The following TJAP1 variants were observed in gnomAD, a reference collection of about 807,000 sequenced individuals.
The protein encoded by TJAP1 is tight junction associated protein 1, also known as tight junction-associated protein 1.
In TJAP1, 27 loss-of-function variants were observed where a neutral mutation model predicts 42.0. The observed-to-expected ratio is 0.64, with a 90% confidence interval of 0.47 to 0.89. TJAP1 has a LOEUF of 0.89. TJAP1 is among the 40% of genes least tolerant of loss of function. The pLI, the probability that TJAP1 is intolerant of heterozygous loss-of-function variation, is 0.00. For missense variants in TJAP1, 712 were observed against 726.9 expected, an observed-to-expected ratio of 0.98 and a Z score of 0.24; for synonymous variants, 257 against 288.4, an observed-to-expected ratio of 0.89 and a Z score of 1.10.
rs199978558 is a variant in TJAP1 at position 43,505,137 on chromosome 6, C to T, written c.956C>T (p.Pro319Leu). The change falls in exon 11 of 11, where the codon CCG (proline) becomes CTG (leucine). Residue 319 changes from proline to leucine, a missense_variant. This residue lies in a region of TJAP1 where 549 missense variants were observed against 528.2 expected (regional missense o/e 1.04). Transcript: ENST00000372449. The surrounding 1 kb of genome is among the most constrained non-coding windows in gnomAD (Gnocchi z 5.5). ...GAGAAGCTGAACCCCTACCCAACCC[C>T]GTCTCCACCACACCCACTGTATCCT... The T allele has an allele frequency of 4.2e-5, 67 of 1,614,096 alleles. 1 individual carries two copies. The highest frequency in any genetic ancestry group is 2.4e-4 in the African/African-American group (18 of 74,924).
At chr6:43,504,069 C>T (rs894789230) in intron 10 of TJAP1, 1 of 423,648 alleles carries the variant, frequency 2.4e-6, no homozygotes, top group African/African-American at 2.0e-5. Flanking sequence ...CAGCTTCAGG[C>T]CCAAGGTTTA....
In TJAP1 at chr6:43,505,615, C is replaced by G. The variant is rs1485858098; in HGVS notation, c.1434C>G (p.Gly478=). The G allele has an allele frequency of 1.2e-6, 2 of 1,613,492 alleles. No individual in the cohort carries two copies. Among genetic ancestry groups the G allele is most frequent in the African/African-American group, 1.3e-5 (1 of 75,064 alleles). ...TGCTACCCACAGAACCTGACTCTGG[C>G]TTTCCCAGGGAGGAAGAAGAGCTGA... The change falls in exon 11 of 11, where the codon GGC becomes GGG. Residue 478 remains glycine (G), a synonymous_variant. Coordinates refer to ENST00000372449, the Ensembl canonical transcript of TJAP1. The surrounding 1 kb of genome is among the most constrained non-coding windows in gnomAD (Gnocchi z 5.5).
chr6:43,505,028 C>T lies in TJAP1; in HGVS notation c.847C>T (p.Pro283Ser). ...AGCCAGTCCCCCGGCCCCTGGCAGC[C>T]CCACCCCACAACCCAATGGGGAGTG... Residue 283 changes from proline to serine, a missense_variant, in exon 11 of 11, where the codon CCC (proline) becomes TCC (serine). Physicochemically the swap from Pro to Ser is moderately conservative, Grantham distance 74. Around this residue, in one of 3 missense-constraint regions of TJAP1, gnomAD observed 549 missense variants for 528.2 expected, o/e 1.04. Transcript: ENST00000372449. This position sits in a 1 kb window ranked among gnomAD's most constrained non-coding sequence, Gnocchi z 5.5. 6.2e-7 allele frequency: 1 copy of T among 1,614,082 alleles called. No individual in the cohort carries two copies. The highest frequency in any genetic ancestry group is 1.1e-5 in the South Asian group (1 of 91,086).
In TJAP1 at chr6:43,505,932, A is replaced by T; in HGVS notation, c.*77A>T. The T allele has an allele frequency of 7.1e-7, 1 of 1,401,250 alleles. No individual in the cohort carries two copies. The highest frequency in any genetic ancestry group is 9.3e-7 in the Non-Finnish European group (1 of 1,076,264). The allele number at this position is 1,401,250 out of a possible 1,614,324, so 86.8% of individuals were successfully genotyped here. ...CACACCTTGGCAGCTCAGGGTCCCC[A>T]GTCCAAGCCCTTGACCTCTCCTCTA... On this transcript the variant is annotated 3_prime_UTR_variant, in exon 11 of 11. Coordinates refer to ENST00000372449, the Ensembl canonical transcript of TJAP1. This position sits in a 1 kb window ranked among gnomAD's most constrained non-coding sequence, Gnocchi z 5.5.
chr6:43,478,278 G>A (rs1784617377), intron 2 of TJAP1, 46 bp downstream of exon 2: 1 of 152,270 alleles, frequency 6.6e-6, no homozygotes, highest in Admixed American at 6.5e-5. Flanking sequence ...ATGCTCCCTG[G>A]GAGGAGGATG....
At chr6:43,484,038 G>C (rs78870226) in intron 2 of TJAP1, among the ~76,000 whole-genome samples, 3,963 of 151,438 alleles carry the variant, frequency 0.026, 162 homozygotes, top group African/African-American at 0.088. Context: ...TTGCACTCCA[G>C]AATGGGTGAC....
In TJAP1 at chr6:43,504,817, C is replaced by A; in HGVS notation, c.636C>A (p.Ala212=). 3 of 1,614,212 alleles carry A rather than the reference C, an allele frequency of 1.9e-6. No individual in the cohort carries two copies. The South Asian group carries it at 3.3e-5, about 18-fold the overall frequency. Reference sequence around the variant, plus strand: ...AACATTTGCACAGTGGTCAAGAGGCCGCCAGCCCAGGTCCTGCTCCCAGCC... The same window carrying A: ...AACATTTGCACAGTGGTCAAGAGGCAGCCAGCCCAGGTCCTGCTCCCAGCC... The change falls in exon 11 of 11, where the codon GCC becomes GCA. Residue 212 remains alanine, a synonymous_variant. Transcript: ENST00000372449.
At chr6:43,494,220 A>T (rs1416708836) in intron 2 of TJAP1, among the ~76,000 whole-genome samples, 1 of 152,176 alleles carries the variant, frequency 6.6e-6, no homozygotes. Flanking sequence ...CCCTCTCTCC[A>T]CCCCAGCAGA....
In TJAP1 at chr6:43,504,112, T is replaced by C. The variant is rs1364149940; in HGVS notation, c.579+406T>C. On this transcript the variant is annotated intron_variant, in intron 10 of 10. Coordinates refer to ENST00000372449, the Ensembl canonical transcript of TJAP1. ...TGCAGAAGTAGAAGAAGTAGAGGTA[T>C]TTCTTTTTTTTTTTTTTTTTGAGAC... 4 of 323,354 alleles carry C rather than the reference T, an allele frequency of 1.2e-5. No homozygotes were observed. The East Asian group carries it at 2.9e-4, about 24-fold the overall frequency. The allele number at this position is 323,354 out of a possible 1,614,324, so 20.0% of individuals were successfully genotyped here. A position where few individuals can be genotyped will look rare whatever the true frequency, so the allele number is the denominator to read the frequency against.
intron 4 of TJAP1, among the ~76,000 whole-genome samples, chr6:43,499,743 A>ACAGTGCGTGGAG (rs1562271063): frequency 6.6e-6 from 1 of 152,264 alleles, no homozygotes; most frequent in Non-Finnish European, 1.5e-5. Flanking sequence ...CCATCTGGTC[A>ACAGTGCGTGGAG]CAGTGCGTGG....
intron 3 of TJAP1, among the ~76,000 whole-genome samples, chr6:43,498,742 G>T (rs1789822803): frequency 6.6e-6 from 1 of 152,168 alleles, no homozygotes; most frequent in Non-Finnish European, 1.5e-5. Flanking sequence ...CCTAGGCCCT[G>T]CCTTTCCCAC....
chr6:43,499,167 A>AC (rs935493517), intron 4 of TJAP1, 67 bp downstream of exon 4: 1 of 1,589,054 alleles, frequency 6.3e-7, no homozygotes, highest in Non-Finnish European at 8.5e-7. Flanking sequence ...TGTCTGGCTG[A>AC]CTTCTCCTGC....
intron 2 of TJAP1, among the ~76,000 whole-genome samples, chr6:43,493,809 CTG>C (rs2127559051): frequency 6.6e-6 from 1 of 152,280 alleles, no homozygotes; most frequent in Admixed American, 6.5e-5. Flanking sequence ...TCATACCACT[CTG>C]TCTCTAGCAA....
chr6:43,505,155 T>G lies in TJAP1; in HGVS notation c.974T>G (p.Leu325Arg), dbSNP rs1307013251. The G allele has an allele frequency of 6.2e-7, 1 of 1,614,132 alleles. No homozygotes were observed. Among genetic ancestry groups the G allele is most frequent in the Non-Finnish European group, 8.5e-7 (1 of 1,180,008 alleles). ...CCAACCCCGTCTCCACCACACCCAC[T>G]GTATCCTGGCCGCAGGGTAATAGAG... Residue 325 changes from leucine (L) to arginine (R), a missense_variant, in exon 11 of 11, where the codon CTG becomes CGG. Transcript: ENST00000372449. The surrounding 1 kb of genome is among the most constrained non-coding windows in gnomAD (Gnocchi z 5.5).
intron 2 of TJAP1, among the ~76,000 whole-genome samples, chr6:43,493,171 T>G (rs1788201134): frequency 6.6e-6 from 1 of 152,244 alleles, no homozygotes; most frequent in Non-Finnish European, 1.5e-5. Flanking sequence ...TTGGTTGAAT[T>G]ATGAAGAAGA....
Position 43,502,070 on chromosome 6 carries a change from A to ACTCT in TJAP1, c.291-212_291-211insTCTC, listed in dbSNP as rs1439125421. On this transcript the variant is annotated intron_variant, in intron 6 of 10. Coordinates refer to ENST00000372449, the Ensembl canonical transcript of TJAP1. ...GGGACACACACACACACACACACAC[A>ACTCT]CACACACTCTCTCTCTCTCTCTCTC... Among the ~76,000 whole-genome samples, 83 of 123,942 alleles carry ACTCT rather than the reference A, an allele frequency of 6.7e-4. 11 individuals carry two copies. Among genetic ancestry groups the ACTCT allele is most frequent in the African/African-American group, 3.2e-3 (78 of 24,742 alleles). 81.3% of individuals were successfully genotyped at this position (123,942 alleles called of 152,430 possible). A position where few individuals can be genotyped will look rare whatever the true frequency, so the allele number is the denominator to read the frequency against.
chr6:43,502,072 A>T lies in TJAP1; in HGVS notation c.291-211A>T, dbSNP rs577675630. ...GACACACACACACACACACACACAC[A>T]CACACTCTCTCTCTCTCTCTCTCTC... On this transcript the variant is annotated intron_variant, in intron 6 of 10. Coordinates refer to ENST00000372449, the Ensembl canonical transcript of TJAP1. Among the ~76,000 whole-genome samples, 437 of 117,196 alleles carry T rather than the reference A, an allele frequency of 3.7e-3. 24 individuals carry two copies. Among genetic ancestry groups the T allele is most frequent in the African/African-American group, 0.019 (418 of 21,732 alleles). 76.9% of individuals were successfully genotyped at this position (117,196 alleles called of 152,430 possible). A position where few individuals can be genotyped will look rare whatever the true frequency, so the allele number is the denominator to read the frequency against.
chr6:43,498,979 C>T (rs762159215), exon 4 of TJAP1: 14 of 1,612,120 alleles, frequency 8.7e-6, no homozygotes, highest in East Asian at 4.5e-5. Flanking sequence ...TCTCAGCAGG[C>T]GGAGGAGCCG....
rs917568353 is a variant in TJAP1, at chr6:43,491,058, G to C, written c.-121-6823G>C. ...GTGGTGCTAGGGAGGCTGGACAGGG[G>C]GAGCTTGAGAACAGAAGGCTGCCTA... On this transcript the variant is annotated intron_variant, in intron 2 of 10. Transcript: ENST00000372449. This position sits in a 1 kb window ranked among gnomAD's most constrained non-coding sequence, Gnocchi z 4.6. 2.0e-5 allele frequency among the ~76,000 whole-genome samples: 3 copies of C among 152,204 alleles called. No homozygotes were observed. Among genetic ancestry groups the C allele is most frequent in the African/African-American group, 7.2e-5 (3 of 41,436 alleles).
Sources: gnomAD v4.1 joint callset for allele counts (sites outside exome capture counted in the v4.1 genomes callset) on GRCh38, gnomAD v4.1.1 for gene constraint, gnomAD v4.1.1 regional missense constraint, Gnocchi (gnomAD v3.1) non-coding constraint, MANE v1.5 for transcripts, NCBI Gene and HGNC (gene_info 2026-07-23, HGNC 2026-07-21) for gene names.